The following FRA10AC1 variants were observed in gnomAD, a reference collection of about 807,000 sequenced individuals.
FRA10AC1 encodes the protein FRA10A associated CGG repeat 1, also known as protein FRA10AC1.
FRA10AC1 carries 43 observed loss-of-function variants against 56.5 expected under a neutral mutation model. That is an observed-to-expected ratio of 0.76 (90% CI 0.60 to 0.98). The LOEUF (loss-of-function observed/expected upper bound fraction) is 0.98. Ranked by LOEUF, FRA10AC1 falls within the 50% of genes least tolerant of loss-of-function variation. FRA10AC1 has a pLI of 0.00. For missense variants in FRA10AC1, 346 were observed against 351.8 expected, an observed-to-expected ratio of 0.98 and a Z score of 0.13; for synonymous variants, 112 against 110.5, an observed-to-expected ratio of 1.01 and a Z score of -0.09.
At chr10:93,699,264 G>A (rs544018010) in intron 2 of FRA10AC1, among the ~76,000 whole-genome samples, 1 of 152,214 alleles carries the variant, frequency 6.6e-6, no homozygotes, top group Admixed American at 6.5e-5. Flanking sequence ...TTATTGCAGA[G>A]ACTGAGTATC....
chr10:93,685,730 C>A (rs2059015300), intron 8 of FRA10AC1, among the ~76,000 whole-genome samples: 3 of 149,636 alleles, frequency 2.0e-5, no homozygotes, highest in South Asian at 4.2e-4. Flanking sequence ...CTCACAAATA[C>A]CCCCCCCAAA....
At position 93,694,911 on chromosome 10, in the gene FRA10AC1, A is replaced by T. The variant is rs1422269388; in HGVS notation, c.246T>A (p.Asn82Lys). The change falls in exon 5 of 14, where the codon AAT becomes AAA. Residue 82 changes from asparagine (N) to lysine (K), a missense_variant. Physicochemically the swap from Asn to Lys is moderately conservative, Grantham distance 94 (BLOSUM62 0). Coordinates refer to ENST00000359204, the MANE Select transcript of FRA10AC1 (RefSeq NM_145246.5). Reference protein sequence around the residue: ...DAYQRHTKFVNDYILYYGGKK... With the variant: ...DAYQRHTKFVKDYILYYGGKK... ...TGCCACCATAGTATAAAATATAGTCATTTACGAACTTTGTATGTCTTTGAT... is the reference window on the plus strand; with the variant it reads ...TGCCACCATAGTATAAAATATAGTCTTTTACGAACTTTGTATGTCTTTGAT... 2.5e-6 allele frequency: 4 copies of T among 1,577,162 alleles called. No individual in the cohort carries two copies. Among genetic ancestry groups the T allele is most frequent in the Non-Finnish European group, 2.6e-6 (3 of 1,146,710 alleles).
At chr10:93,698,703 A>AT (rs2059277643) in intron 2 of FRA10AC1, among the ~76,000 whole-genome samples, 1 of 152,156 alleles carries the variant, frequency 6.6e-6, no homozygotes, top group South Asian at 2.1e-4. Flanking sequence ...AGATTCAATT[A>AT]TTTATCTCTT....
At position 93,668,593 on chromosome 10, in the gene FRA10AC1, T is replaced by C. The variant is rs1038039304; in HGVS notation, c.*1233A>G. On this transcript the variant is annotated 3_prime_UTR_variant, in exon 14 of 14. Coordinates refer to ENST00000359204, the MANE Select transcript of FRA10AC1 (RefSeq NM_145246.5). ...GACTGGGGAAGAAAAAGAGGTTTAA[T>C]TGGACTTACAGTTCCACATGGCTGG... 2 of 153,986 alleles carry C rather than the reference T, an allele frequency of 1.3e-5. No homozygotes were observed. The highest frequency in any genetic ancestry group is 1.9e-4 in the East Asian group (1 of 5,326). The allele number at this position is 153,986 out of a possible 1,614,324, so 9.5% of individuals were successfully genotyped here. A position where few individuals can be genotyped will look rare whatever the true frequency, so the allele number is the denominator to read the frequency against.
At chr10:93,680,434 C>T (rs1328252803) in intron 11 of FRA10AC1, among the ~76,000 whole-genome samples, 2 of 152,086 alleles carry the variant, frequency 1.3e-5, no homozygotes, top group Admixed American at 6.5e-5. Flanking sequence ...ATCAATTTTA[C>T]GAAGTCTAAA....
At chr10:93,675,162 T>C (rs1051247650) in intron 12 of FRA10AC1, 4 of 152,136 alleles carry the variant, frequency 2.6e-5, no homozygotes, top group Non-Finnish European at 4.4e-5. Flanking sequence ...AAGAGAGGAA[T>C]ACCTCCATCA....
chr10:93,696,520 T>C (rs1281810664), intron 4 of FRA10AC1, among the ~76,000 whole-genome samples: 1 of 152,152 alleles, frequency 6.6e-6, no homozygotes, highest in Admixed American at 6.5e-5. Context: ...TGTAAAATGG[T>C]TCAACCATTA....
intron 7 of FRA10AC1, among the ~76,000 whole-genome samples, chr10:93,690,783 TAC>T (rs1235439074): frequency 6.6e-6 from 1 of 152,198 alleles, no homozygotes; most frequent in Non-Finnish European, 1.5e-5. Flanking sequence ...CCAGATGTGG[TAC>T]AGAGAAGACA....
Position 93,687,430 on chromosome 10 carries a change from A to C in FRA10AC1, c.485T>G (p.Val162Gly), listed in dbSNP as rs748532955. The stretch of plus-strand genomic sequence containing the variant: ...TTTTCCTGAAATTACTTCTTTTTCT[A>C]CTCGCCACCTAAATCCAAACTGATA... The part of the protein sequence containing the change: ...KENKFGFRWR[V>G]EKEVISGKGQ... The change falls in exon 8 of 14, where the codon GTA becomes GGA. Residue 162 changes from valine to glycine, a missense_variant. Transcript: ENST00000359204. 2.0e-6 allele frequency: 3 copies of C among 1,519,508 alleles called. No homozygotes were observed. The Admixed American group carries it at 5.9e-5, about 30-fold the overall frequency. The allele number at this position is 1,519,508 out of a possible 1,614,324, so 94.1% of individuals were successfully genotyped here.
chr10:93,676,602 TTG>T, intron 12 of FRA10AC1, 49 bp downstream of exon 12: 1 of 1,510,742 alleles, frequency 6.6e-7, no homozygotes, highest in Non-Finnish European at 8.8e-7. Flanking sequence ...GAAATCTAAA[TTG>T]CAAATACCTC....
chr10:93,689,715 A>C (rs556267224), intron 7 of FRA10AC1, among the ~76,000 whole-genome samples: 2 of 152,336 alleles, frequency 1.3e-5, no homozygotes, highest in African/African-American at 2.4e-5. Flanking sequence ...TACTAGTTAA[A>C]GACTGTATAT....
chr10:93,678,215 A>G (rs1230367844), intron 11 of FRA10AC1, among the ~76,000 whole-genome samples: 1 of 152,200 alleles, frequency 6.6e-6, no homozygotes, highest in Non-Finnish European at 1.5e-5. Flanking sequence ...CTTTTGGGAA[A>G]GGGGTGATGG....
intron 7 of FRA10AC1, chr10:93,687,684 C>A (rs2059054763): frequency 1.2e-5 from 4 of 326,100 alleles, no homozygotes; most frequent in South Asian, 5.9e-5. Flanking sequence ...CCACAAGATA[C>A]CTAAGTTAAC....
intron 4 of FRA10AC1, among the ~76,000 whole-genome samples, chr10:93,696,948 C>T (rs981038226): frequency 4.6e-5 from 7 of 152,064 alleles, no homozygotes; most frequent in African/African-American, 1.7e-4. Context: ...ACACTGGAGC[C>T]GGTGGGCGGG....
intron 9 of FRA10AC1, 45 bp downstream of exon 9, chr10:93,685,201 A>T: frequency 1.2e-6 from 1 of 851,684 alleles, no homozygotes; most frequent in South Asian, 1.5e-5. Context: ...TAAATTAAAG[A>T]CAAACTTGGA....
chr10:93,670,221 A>C (rs914740282), intron 13 of FRA10AC1, among the ~76,000 whole-genome samples: 3 of 152,162 alleles, frequency 2.0e-5, no homozygotes, highest in Admixed American at 6.6e-5. Context: ...AGTCTGCTCA[A>C]GAAGTGAATA....
intron 4 of FRA10AC1, 72 bp from the exon 5 acceptor site, chr10:93,695,009 G>A: frequency 7.6e-6 from 6 of 788,182 alleles, no homozygotes; most frequent in East Asian, 5.1e-5. Flanking sequence ...GCTGATTGGT[G>A]GTAAAAAAAA....
chr10:93,695,920 G>A (rs1034534827), intron 4 of FRA10AC1, among the ~76,000 whole-genome samples: 3 of 152,124 alleles, frequency 2.0e-5, no homozygotes, highest in Non-Finnish European at 4.4e-5. Flanking sequence ...TATGGTCTCT[G>A]TTGCAAATGC....
intron 2 of FRA10AC1, 27 bp from the exon 3 acceptor site, chr10:93,698,423 T>G: frequency 7.9e-7 from 1 of 1,269,630 alleles, no homozygotes; most frequent in East Asian, 2.3e-5. Flanking sequence ...AAAATAAGAG[T>G]TCACTTTTTT....
Sources: allele counts gnomAD v4.1 joint callset (sites outside exome capture counted in the v4.1 genomes callset), GRCh38; gene constraint gnomAD v4.1.1; transcripts MANE v1.5; gene names NCBI Gene and HGNC (gene_info 2026-07-23, HGNC 2026-07-21).